NCOA1: variants seen among roughly 807,000 people sequenced by gnomAD.
The protein encoded by NCOA1 is Hin-2 protein.
NCOA1 carries 35 observed loss-of-function variants against 150.9 expected under a neutral mutation model. The observed-to-expected ratio is 0.23, with a 90% CI of 0.18 to 0.31. The LOEUF (loss-of-function observed/expected upper bound fraction) is 0.31, where lower values mean the gene tolerates loss of function less well. Among genes scored for constraint, NCOA1 ranks in the 10% least tolerant of loss-of-function variants. NCOA1 has a pLI of 1.00. For synonymous variants in NCOA1, 590 were observed against 630.0 expected, an observed-to-expected ratio of 0.94 and a Z score of 0.95; for missense variants, 1,491 against 1,749.3, an observed-to-expected ratio of 0.85 and a Z score of 2.63.
At chr2:24,738,410 C>T (rs940419775) in intron 17 of NCOA1, among the ~76,000 whole-genome samples, 2 of 152,008 alleles carry the variant, frequency 1.3e-5, no homozygotes, top group Non-Finnish European at 2.9e-5. Context: ...ATGTTTTAAG[C>T]TATACATTGT....
At chr2:24,649,605 G>A (rs537131169) in intron 4 of NCOA1, among the ~76,000 whole-genome samples, 3 of 152,230 alleles carry the variant, frequency 2.0e-5, no homozygotes, top group African/African-American at 7.2e-5. Flanking sequence ...CCTCAGTCGT[G>A]AATATACTAG....
chr2:24,536,001 T>C lies in NCOA1; in HGVS notation c.-395-28294T>C, dbSNP rs573311685. On this transcript the variant is annotated intron_variant, in intron 1 of 22. Transcript: ENST00000348332. Reference sequence around the variant, plus strand: ...TCCGAATTTGAATGTTGGCCTGCCTTGCTAGGTTGGGGACATTCTCCTGGA... The same window carrying C: ...TCCGAATTTGAATGTTGGCCTGCCTCGCTAGGTTGGGGACATTCTCCTGGA... Among the ~76,000 whole-genome samples the C allele has an allele frequency of 2.6e-5, 4 of 152,322 alleles. No homozygotes were observed. In the South Asian group the frequency reaches 8.3e-4, roughly 32 times the overall value.
intron 1 of NCOA1, chr2:24,492,051 C>G (rs993195661): frequency 6.6e-6 from 1 of 152,070 alleles, no homozygotes; most frequent in Non-Finnish European, 1.5e-5. Context: ...GGCCCGCTCA[C>G]CTCTCGGAAT....
chr2:24,556,248 G>A (rs1475797112), intron 1 of NCOA1, among the ~76,000 whole-genome samples: 2 of 152,178 alleles, frequency 1.3e-5, no homozygotes, highest in Non-Finnish European at 2.9e-5. Context: ...AACATGCGGT[G>A]TTTGGTTTTC....
At chr2:24,643,499 C>CT (rs1160869440) in intron 3 of NCOA1, among the ~76,000 whole-genome samples, 1 of 152,134 alleles carries the variant, frequency 6.6e-6, no homozygotes, top group African/African-American at 2.4e-5. Flanking sequence ...CAGAGCTCAA[C>CT]TAACATCTTT....
chr2:24,740,213 G>C (rs1663534108), intron 18 of NCOA1, among the ~76,000 whole-genome samples: 1 of 152,116 alleles, frequency 6.6e-6, no homozygotes, highest in Non-Finnish European at 1.5e-5. Flanking sequence ...AGATGGATTA[G>C]GAGCAAATAA....
At chr2:24,710,306 G>T (rs927801055) in intron 13 of NCOA1, among the ~76,000 whole-genome samples, 2 of 151,856 alleles carry the variant, frequency 1.3e-5, no homozygotes, top group African/African-American at 2.4e-5. Context: ...TGGCCAGGCT[G>T]GTCTCGAACT....
intron 14 of NCOA1, among the ~76,000 whole-genome samples, chr2:24,720,948 T>C (rs1157318199): frequency 1.3e-5 from 2 of 152,210 alleles, no homozygotes; most frequent in South Asian, 2.1e-4. Context: ...CGTACAAATA[T>C]CTTGCATAGG....
intron 2 of NCOA1, among the ~76,000 whole-genome samples, chr2:24,580,212 T>C (rs768539058): frequency 7.9e-5 from 12 of 152,252 alleles, no homozygotes; most frequent in Admixed American, 2.0e-4. Flanking sequence ...TATGCTTTAA[T>C]GTGGATTGCT....
At chr2:24,632,918 T>A (rs1359285740) in intron 3 of NCOA1, among the ~76,000 whole-genome samples, 2 of 152,178 alleles carry the variant, frequency 1.3e-5, no homozygotes, top group Non-Finnish European at 2.9e-5. Flanking sequence ...ATAAGTCCCA[T>A]GTATATAACT....
intron 7 of NCOA1, among the ~76,000 whole-genome samples, chr2:24,681,073 A>AG (rs1672139680): frequency 2.0e-5 from 3 of 151,844 alleles, no homozygotes; most frequent in African/African-American, 7.2e-5. Flanking sequence ...TAAAAAAAAA[A>AG]AAAAATAGGG....
At chr2:24,620,133 G>T (rs1438203927) in intron 3 of NCOA1, among the ~76,000 whole-genome samples, 7 of 151,996 alleles carry the variant, frequency 4.6e-5, no homozygotes, top group African/African-American at 1.7e-4. Flanking sequence ...TTCCTTCTCA[G>T]CAAGTTCAAA....
intron 2 of NCOA1, among the ~76,000 whole-genome samples, chr2:24,574,754 T>C (rs1381050345): frequency 1.3e-5 from 2 of 152,148 alleles, no homozygotes; most frequent in Admixed American, 6.5e-5. Flanking sequence ...AAATATATTT[T>C]AGTAGGGTAC....
intron 2 of NCOA1, among the ~76,000 whole-genome samples, chr2:24,572,820 T>C (rs2148284905): frequency 6.6e-6 from 1 of 152,300 alleles, no homozygotes; most frequent in East Asian, 1.9e-4. Context: ...CAGTTATTAT[T>C]ATTGAGTGGC....
intron 3 of NCOA1, among the ~76,000 whole-genome samples, chr2:24,640,084 A>C (rs1343809845): frequency 1.3e-5 from 2 of 151,492 alleles, no homozygotes; most frequent in Non-Finnish European, 1.5e-5. Flanking sequence ...CTTTCACTGT[A>C]GGTCATTAAC....
At chr2:24,538,231 G>T (rs1665247270) in intron 1 of NCOA1, among the ~76,000 whole-genome samples, 1 of 152,200 alleles carries the variant, frequency 6.6e-6, no homozygotes, top group African/African-American at 2.4e-5. Flanking sequence ...CCCTGGTTTG[G>T]GCACTAGTAG....
chr2:24,547,355 T>A (rs1256755557), intron 1 of NCOA1, among the ~76,000 whole-genome samples: 2 of 152,336 alleles, frequency 1.3e-5, no homozygotes, highest in East Asian at 3.9e-4. Flanking sequence ...TGTCATTCAC[T>A]ATAAATTTAA....
chr2:24,581,226 G>C (rs1667180865), intron 2 of NCOA1, among the ~76,000 whole-genome samples: 1 of 152,246 alleles, frequency 6.6e-6, no homozygotes, highest in Non-Finnish European at 1.5e-5. Flanking sequence ...GGCAGAAAGA[G>C]AGAAGGGTAC....
intron 6 of NCOA1, among the ~76,000 whole-genome samples, chr2:24,669,369 A>T (rs1318978351): frequency 6.6e-6 from 1 of 152,144 alleles, no homozygotes; most frequent in African/African-American, 2.4e-5. Flanking sequence ...AACAAGAAGG[A>T]GAAAGAAAAA....
Sources: allele counts gnomAD v4.1 joint callset (sites outside exome capture counted in the v4.1 genomes callset), GRCh38; gene constraint gnomAD v4.1.1; transcripts MANE v1.5; gene names NCBI Gene and HGNC (gene_info 2026-07-23, HGNC 2026-07-21).